The following PAPPA2 variants were observed in gnomAD, a reference collection of about 807,000 sequenced individuals.
PAPPA2 encodes pappalysin 2.
In PAPPA2, 86 loss-of-function variants were observed where a neutral mutation model predicts 176.4. The observed-to-expected ratio is 0.49, with a 90% confidence interval of 0.41 to 0.58. The LOEUF is 0.58. PAPPA2 is among the 20% of genes least tolerant of loss of function. PAPPA2 has a pLI of 0.00. For missense variants in PAPPA2, 2,073 were observed against 2,256.9 expected, an observed-to-expected ratio of 0.92 and a Z score of 1.65; for synonymous variants, 809 against 852.2, an observed-to-expected ratio of 0.95 and a Z score of 0.88.
At chr1:176,690,519 G>T in intron 5 of PAPPA2, 89 bp downstream of exon 5, 1 of 1,547,466 alleles carries the variant, frequency 6.5e-7, no homozygotes, top group Middle Eastern at 1.9e-4. Flanking sequence ...GCTGATGGGA[G>T]AATGATTAAG....
chr1:176,631,843 AT>A, intron 3 of PAPPA2, among the ~76,000 whole-genome samples: 1 of 152,282 alleles, frequency 6.6e-6, no homozygotes, highest in East Asian at 1.9e-4. Context: ...ACCACAGAAC[AT>A]TTTCATATGG....
chr1:176,787,215 T>G (rs1664976181), intron 17 of PAPPA2, among the ~76,000 whole-genome samples: 1 of 152,172 alleles, frequency 6.6e-6, no homozygotes. Context: ...CAGACTATGA[T>G]GCTAAAAAAT....
At position 176,595,599 on chromosome 1, in the gene PAPPA2, A is replaced by G; in HGVS notation, c.1991+4A>G. Reference sequence around the variant, plus strand: ...TTGACCCTGACTCACCCAAGAGGTAAGGGACTGGGATTTGGGGTGTCCTAC... The same window carrying G: ...TTGACCCTGACTCACCCAAGAGGTAGGGGACTGGGATTTGGGGTGTCCTAC... On this transcript the variant is annotated splice_donor_region_variant and intron_variant, in intron 3 of 22. Coordinates refer to ENST00000367662, the MANE Select transcript of PAPPA2 (RefSeq NM_020318.3). The G allele has an allele frequency of 6.2e-7, 1 of 1,602,514 alleles. No individual in the cohort carries two copies. The highest frequency in any genetic ancestry group is 8.5e-7 in the Non-Finnish European group (1 of 1,172,766).
Position 176,692,127 on chromosome 1 carries a change from T to C in PAPPA2, c.2433T>C (p.Asp811=). 2 of 1,610,744 alleles carry C rather than the reference T, an allele frequency of 1.2e-6. No individual in the cohort carries two copies. Among genetic ancestry groups the C allele is most frequent in the Non-Finnish European group, 1.7e-6 (2 of 1,177,570 alleles). The part of the protein sequence containing the change: ...APFTNYMSYT[D]DNCTDNFTPN... ...GTGCCACCTTTTTTGTCTCCACAGATGATAACTGCACTGACAACTTCACTC... is the reference window on the plus strand; with the variant it reads ...GTGCCACCTTTTTTGTCTCCACAGACGATAACTGCACTGACAACTTCACTC... The change falls in exon 6 of 23, where the codon GAT becomes GAC. Residue 811 remains aspartate (D), a splice_region_variant and synonymous_variant. Transcript: ENST00000367662.
intron 15 of PAPPA2, among the ~76,000 whole-genome samples, chr1:176,767,061 G>A (rs965781808): frequency 3.3e-5 from 5 of 152,098 alleles, no homozygotes; most frequent in Non-Finnish European, 7.3e-5. Context: ...ATACCTTGAG[G>A]CACCAACTTC....
At chr1:176,760,362 G>A (rs1344212968) in intron 14 of PAPPA2, among the ~76,000 whole-genome samples, 1 of 152,140 alleles carries the variant, frequency 6.6e-6, no homozygotes, top group Non-Finnish European at 1.5e-5. Flanking sequence ...TCTCCTTCTG[G>A]AGTCAGTCTT....
At chr1:176,647,669 C>T (rs1657481256) in intron 3 of PAPPA2, among the ~76,000 whole-genome samples, 1 of 151,628 alleles carries the variant, frequency 6.6e-6, no homozygotes, top group South Asian at 2.1e-4. Flanking sequence ...ATTGAAGAGA[C>T]TGTCCTTTCC....
At chr1:176,773,741 A>G (rs762606912) in intron 17 of PAPPA2, among the ~76,000 whole-genome samples, 4 of 152,200 alleles carry the variant, frequency 2.6e-5, no homozygotes, top group Non-Finnish European at 5.9e-5. Flanking sequence ...TACATATGCT[A>G]TATTACTTTT....
At chr1:176,696,135 C>T (rs1163585407) in intron 7 of PAPPA2, among the ~76,000 whole-genome samples, 1 of 151,970 alleles carries the variant, frequency 6.6e-6, no homozygotes, top group African/African-American at 2.4e-5. Flanking sequence ...ATGGAGAAGT[C>T]AGCTGAACTC....
At chr1:176,803,490 C>T (rs1665771767) in intron 21 of PAPPA2, among the ~76,000 whole-genome samples, 1 of 152,146 alleles carries the variant, frequency 6.6e-6, no homozygotes, top group Non-Finnish European at 1.5e-5. Flanking sequence ...CCAATAAAGA[C>T]CAACTGAGAT....
intron 1 of PAPPA2, among the ~76,000 whole-genome samples, chr1:176,542,463 A>C (rs146026931): frequency 2.5e-4 from 38 of 152,322 alleles, no homozygotes; most frequent in African/African-American, 8.9e-4. Flanking sequence ...CATTGCTGAG[A>C]AATGTTCTTT....
chr1:176,519,698 C>A (rs945249580), intron 1 of PAPPA2, among the ~76,000 whole-genome samples: 1 of 152,148 alleles, frequency 6.6e-6, no homozygotes, highest in African/African-American at 2.4e-5. Context: ...TATCACCTGT[C>A]CACATAATTA....
chr1:176,711,505 G>A (rs192410627), intron 11 of PAPPA2, among the ~76,000 whole-genome samples: 1 of 152,150 alleles, frequency 6.6e-6, no homozygotes. Context: ...CCTGGTAAGG[G>A]CTTCATCATC....
chr1:176,507,928 A>G (rs1648378227), intron 1 of PAPPA2, among the ~76,000 whole-genome samples: 1 of 152,192 alleles, frequency 6.6e-6, no homozygotes, highest in Admixed American at 6.6e-5. Context: ...AAAAAATTAT[A>G]TAAAAAGCAG....
chr1:176,503,246 T>C (rs1023950499), intron 1 of PAPPA2, among the ~76,000 whole-genome samples: 1 of 152,166 alleles, frequency 6.6e-6, no homozygotes, highest in African/African-American at 2.4e-5. Context: ...TTATATTTCA[T>C]CACTCTGACA....
chr1:176,844,630 C>G lies in PAPPA2; in HGVS notation c.*2176C>G, dbSNP rs990939458. On this transcript the variant is annotated 3_prime_UTR_variant, in exon 23 of 23. Coordinates refer to ENST00000367662, the MANE Select transcript of PAPPA2 (RefSeq NM_020318.3). ...TATTTATTCTTGGGATTCTGATAGG[C>G]TTCAATATGCAAAGGACAATGGAAA... The G allele has an allele frequency of 1.3e-4, 20 of 152,226 alleles. No individual in the cohort carries two copies. The highest frequency in any genetic ancestry group is 4.3e-4 in the African/African-American group (18 of 41,540). 9.4% of individuals were successfully genotyped at this position (152,226 alleles called of 1,614,324 possible). A position where few individuals can be genotyped will look rare whatever the true frequency, so the allele number is the denominator to read the frequency against.
At chr1:176,765,637 C>A (rs754987429) in intron 14 of PAPPA2, 29 bp from the exon 15 acceptor site, 1 of 1,608,240 alleles carries the variant, frequency 6.2e-7, no homozygotes, top group South Asian at 1.1e-5. Flanking sequence ...TCAACCAGTC[C>A]TAAGATGGTT....
intron 3 of PAPPA2, among the ~76,000 whole-genome samples, chr1:176,597,595 G>A (rs1385140188): frequency 6.6e-6 from 1 of 152,010 alleles, no homozygotes; most frequent in Non-Finnish European, 1.5e-5. Context: ...ATGATGGGTC[G>A]ATGGGCGCAG....
At chr1:176,623,807 C>CTCTCT (rs1655843817) in intron 3 of PAPPA2, among the ~76,000 whole-genome samples, 1 of 49,396 alleles carries the variant, frequency 2.0e-5, no homozygotes, top group Non-Finnish European at 4.0e-5. Flanking sequence ...TTCTTTCTTT[C>CTCTCT]TTCTTTCTTT....
Sources: allele counts gnomAD v4.1 joint callset (sites outside exome capture counted in the v4.1 genomes callset), GRCh38; gene constraint gnomAD v4.1.1; transcripts MANE v1.5; gene names NCBI Gene and HGNC (gene_info 2026-07-23, HGNC 2026-07-21).